Variants in CFAP70 observed in about 807,000 individuals in gnomAD.
CFAP70 encodes cilia- and flagella-associated protein 70.
In CFAP70, 81 loss-of-function variants were observed where a neutral mutation model predicts 137.6. That is an observed-to-expected ratio of 0.59 (90% confidence interval 0.49 to 0.71). CFAP70 has a LOEUF of 0.71. Among genes scored for constraint, CFAP70 ranks in the 30% least tolerant of loss-of-function variants. The pLI, the probability that CFAP70 is intolerant of heterozygous loss-of-function variation, is 0.00. For synonymous variants in CFAP70, 382 were observed against 423.6 expected (o/e 0.90, Z 1.20); for missense variants, 976 against 1,226.7 (o/e 0.80, Z 3.05).
At chr10:73,348,481 T>C (rs202224044) in exon 4 of CFAP70, 4 of 1,525,130 alleles carry the variant, frequency 2.6e-6, no homozygotes, top group Non-Finnish European at 3.5e-6. Flanking sequence ...TCTTCTCTTC[T>C]TTCTGTTTCT....
Position 73,345,056 on chromosome 10 carries a change from G to A in CFAP70, c.399+9C>T, listed in dbSNP as rs2053593413. On this transcript the variant is annotated intron_variant, in intron 5 of 26. Transcript: ENST00000310715. ...GAATCTCTATAAATATCTGGCAGTA[G>A]GGCTTTACCTCTCCAAGTGATGGAA... is the stretch of plus-strand genomic sequence containing the variant. The A allele has an allele frequency of 6.2e-7, 1 of 1,613,056 alleles. No individual in the cohort carries two copies. The highest frequency in any genetic ancestry group is 1.1e-5 in the South Asian group (1 of 91,034).
At chr10:73,267,911 C>G (rs1359363497) in intron 25 of CFAP70, among the ~76,000 whole-genome samples, 1 of 152,098 alleles carries the variant, frequency 6.6e-6, no homozygotes, top group East Asian at 1.9e-4. Flanking sequence ...TAGATGCCAC[C>G]CACATTCCTT....
At chr10:73,350,963 GTGTATA>G (rs1361123231) in intron 3 of CFAP70, among the ~76,000 whole-genome samples, 12 of 149,898 alleles carry the variant, frequency 8.0e-5, no homozygotes. Flanking sequence ...GTGTATGTGT[GTGTATA>G]TGTATGTGTG....
At chr10:73,269,254 C>A (rs1000453681) in intron 25 of CFAP70, among the ~76,000 whole-genome samples, 2 of 152,054 alleles carry the variant, frequency 1.3e-5, no homozygotes, top group African/African-American at 4.8e-5. Flanking sequence ...CACCCAATAT[C>A]CCATCTAAAT....
In CFAP70 at chr10:73,291,095, A is replaced by G. The variant is rs943948866; in HGVS notation, c.2239+131T>C. Reference sequence around the variant, plus strand: ...AGTGGCATGATCACAGCTCACTGCAACCTTGAACTCCTGGGCTCAAGTGAT... The same window carrying G: ...AGTGGCATGATCACAGCTCACTGCAGCCTTGAACTCCTGGGCTCAAGTGAT... On this transcript the variant is annotated intron_variant, in intron 19 of 26. Coordinates refer to ENST00000310715, the Ensembl canonical transcript of CFAP70. 1.2e-5 allele frequency: 9 copies of G among 731,220 alleles called. No homozygotes were observed. In the African/African-American group the frequency reaches 1.4e-4, roughly 11 times the overall value. The allele number at this position is 731,220 out of a possible 1,614,324, so 45.3% of individuals were successfully genotyped here. A position where few individuals can be genotyped will look rare whatever the true frequency, so the allele number is the denominator to read the frequency against.
At chr10:73,277,399 T>C in intron 20 of CFAP70, 38 bp from the exon 22 acceptor site, 1 of 1,603,348 alleles carries the variant, frequency 6.2e-7, no homozygotes, top group Non-Finnish European at 8.5e-7. Flanking sequence ...AGATTGGATA[T>C]AACAGAAAAA....
At chr10:73,334,490 GA>G (rs1253839840) in intron 7 of CFAP70, among the ~76,000 whole-genome samples, 1 of 152,136 alleles carries the variant, frequency 6.6e-6, no homozygotes, top group Non-Finnish European at 1.5e-5. Flanking sequence ...CTTGTGGATG[GA>G]AGTCACATAG....
At chr10:73,351,123 T>G (rs1272564944) in intron 3 of CFAP70, among the ~76,000 whole-genome samples, 3 of 123,016 alleles carry the variant, frequency 2.4e-5, no homozygotes, top group Admixed American at 8.3e-5. Context: ...GTATGTTTTG[T>G]TTTTTTTTTT....
chr10:73,272,444 GA>G, intron 24 of CFAP70, among the ~76,000 whole-genome samples: 1 of 152,316 alleles, frequency 6.6e-6, no homozygotes, highest in South Asian at 2.1e-4. Flanking sequence ...GGAACAAGAG[GA>G]TGTTTGCCTC....
intron 23 of CFAP70, among the ~76,000 whole-genome samples, chr10:73,273,438 C>T (rs773736079): frequency 1.1e-4 from 16 of 152,214 alleles, no homozygotes; most frequent in Non-Finnish European, 2.4e-4. Context: ...TCATTTTACA[C>T]CTTTGTTGTA....
chr10:73,296,447 A>C (rs1206618275), intron 15 of CFAP70: 1 of 152,308 alleles, frequency 6.6e-6, no homozygotes, highest in Non-Finnish European at 1.5e-5. Context: ...TTGAGGAGGC[A>C]CAGATGGTTA....
rs1402499054 is a variant in CFAP70 at position 73,292,034 on chromosome 10, A to T, written c.1771-20T>A. On this transcript the variant is annotated intron_variant, in intron 16 of 26. Coordinates refer to ENST00000310715, the Ensembl canonical transcript of CFAP70. ...CAATCTCTAAGCATCAGGAGAGCCAAGGTTATTGTGATACTATGTCCTATT... is the reference window on the plus strand; with the variant it reads ...CAATCTCTAAGCATCAGGAGAGCCATGGTTATTGTGATACTATGTCCTATT... 1 of 1,613,262 alleles carries T rather than the reference A, an allele frequency of 6.2e-7. No homozygotes were observed. Among genetic ancestry groups the T allele is most frequent in the East Asian group, 2.2e-5 (1 of 44,888 alleles).
At chr10:73,277,096 T>C in intron 21 of CFAP70, 144 bp downstream of exon 22, 2 of 1,047,496 alleles carry the variant, frequency 1.9e-6, no homozygotes, top group Non-Finnish European at 1.3e-6. Flanking sequence ...TTGGATGTTC[T>C]TTCCATTGGG....
At chr10:73,349,044 AGAGGG>A (rs2053964566) in intron 3 of CFAP70, among the ~76,000 whole-genome samples, 1 of 151,412 alleles carries the variant, frequency 6.6e-6, no homozygotes. Context: ...CTGGGCAACA[AGAGGG>A]AAACTCCGTC....
At chr10:73,322,772 A>G (rs2132211086) in intron 9 of CFAP70, among the ~76,000 whole-genome samples, 191 bp downstream of exon 10, 1 of 152,226 alleles carries the variant, frequency 6.6e-6, no homozygotes, top group South Asian at 2.1e-4. Context: ...TTAGGTTTTC[A>G]GTTTTTGTCC....
chr10:73,303,591 GA>G (rs11315929), intron 12 of CFAP70, among the ~76,000 whole-genome samples: 16,052 of 147,118 alleles, frequency 0.11, 1,221 homozygotes, highest in East Asian at 0.31. Context: ...AAATGCCTTT[GA>G]AAAAAAAAAC....
intron 19 of CFAP70, among the ~76,000 whole-genome samples, chr10:73,288,762 A>C (rs1309491437): frequency 6.6e-6 from 1 of 152,256 alleles, no homozygotes; most frequent in African/African-American, 2.4e-5. Context: ...ACCAGACTAT[A>C]GAACTTGGAA....
chr10:73,265,162 A>G (rs572669984), intron 25 of CFAP70, among the ~76,000 whole-genome samples: 5 of 152,238 alleles, frequency 3.3e-5, no homozygotes, highest in East Asian at 1.9e-4. Flanking sequence ...TGTCTCTACT[A>G]AAAATACAAA....
exon 14 of CFAP70, chr10:73,298,974 T>C (rs767232872): frequency 6.2e-7 from 1 of 1,614,030 alleles, no homozygotes; most frequent in Admixed American, 1.7e-5. Context: ...CTGGCACTTC[T>C]GCTCCTCCAA....
Sources: gnomAD v4.1 joint callset for allele counts (sites outside exome capture counted in the v4.1 genomes callset) on GRCh38, gnomAD v4.1.1 for gene constraint, MANE v1.5 for transcripts, NCBI Gene and HGNC (gene_info 2026-07-23, HGNC 2026-07-21) for gene names.